The following REEP4 variants were observed in gnomAD, a reference collection of about 807,000 sequenced individuals.
REEP4 encodes receptor expression-enhancing protein 4.
A neutral mutation model predicts 33.5 loss-of-function variants in REEP4; 17 were observed. The ratio of observed to expected loss-of-function variants is 0.51; its 90% CI spans 0.35 to 0.76. REEP4 has a LOEUF of 0.76. Ranked by LOEUF, REEP4 falls within the 30% of genes least tolerant of loss-of-function variation. The probability of loss-of-function intolerance (pLI) is 0.01; values close to 1 mark genes in which losing one functional copy is unlikely to be tolerated. For synonymous variants in REEP4, 157 were observed against 142.9 expected, an observed-to-expected ratio of 1.10 and a Z score of -0.70; for missense variants, 340 against 357.9, an observed-to-expected ratio of 0.95 and a Z score of 0.40.
At position 22,138,431 on chromosome 8, in the gene REEP4, A is replaced by C. The variant is rs753062629; in HGVS notation, c.*56T>G. 1 of 1,597,092 alleles carries C rather than the reference A, an allele frequency of 6.3e-7. No individual in the cohort carries two copies. The highest frequency in any genetic ancestry group is 2.2e-5 in the East Asian group (1 of 44,820). On this transcript the variant is annotated 3_prime_UTR_variant, in exon 8 of 8. Transcript: ENST00000306306. ...AGATGTGCAGCCCAAGGTCCCTCCA[A>C]ATAGCCCTGGAGCCCTGCAGGGCAC...
chr8:22,138,558 GA>G lies in REEP4; in HGVS notation c.709-7del. On this transcript the variant is annotated splice_region_variant and splice_polypyrimidine_tract_variant and intron_variant, in intron 7 of 7. Transcript: ENST00000306306. ...TTCAGGGAGCGCGAGGTGCCCTGGG[GA>G]AAGGGGAGGCACAGCATGAGGGTGT... The G allele has an allele frequency of 6.2e-7, 1 of 1,613,910 alleles. No homozygotes were observed. Among genetic ancestry groups the G allele is most frequent in the Admixed American group, 1.7e-5 (1 of 60,026 alleles).
At position 22,138,237 on chromosome 8, in the gene REEP4, CGG is replaced by C. The variant is rs1027570121; in HGVS notation, c.*248_*249del. ...TCAGGGAGGGCTCTTGTCCCACAAC[CGG>C]GGAAGGGAGAGGGCAGAGCAAGGCA... is the stretch of plus-strand genomic sequence containing the variant. On this transcript the variant is annotated 3_prime_UTR_variant, in exon 8 of 8. Coordinates refer to ENST00000306306, the MANE Select transcript of REEP4 (RefSeq NM_025232.4). 1.1e-5 allele frequency: 7 copies of C among 647,620 alleles called. No individual in the cohort carries two copies. The African/African-American group carries it at 1.3e-4, about 12-fold the overall frequency. The allele number at this position is 647,620 out of a possible 1,614,324, so 40.1% of individuals were successfully genotyped here. A position where few individuals can be genotyped will look rare whatever the true frequency, so the allele number is the denominator to read the frequency against.
In REEP4 at chr8:22,140,707, C is replaced by A; in HGVS notation, c.33-10G>T. 6.2e-7 allele frequency: 1 copy of A among 1,610,468 alleles called. No homozygotes were observed. Among genetic ancestry groups the A allele is most frequent in the Non-Finnish European group, 8.5e-7 (1 of 1,177,932 alleles). On this transcript the variant is annotated splice_polypyrimidine_tract_variant and intron_variant, in intron 1 of 7. Transcript: ENST00000306306. ...CATCCCAAACACCAGCCTGGAAGAG[C>A]AGCCATGGGGAGTGTGAGGGGCACC...
In REEP4 at chr8:22,139,435, G is replaced by A; in HGVS notation, c.398C>T (p.Ala133Val). 6.2e-7 allele frequency: 1 copy of A among 1,607,420 alleles called. No individual in the cohort carries two copies. The highest frequency in any genetic ancestry group is 8.5e-7 in the Non-Finnish European group (1 of 1,179,556). ...GAGCACCTTGGTGGCAGCCTGCACA[G>A]CAGCGGAGGCGGCAATGTTGAGGCC... ...KRGLNIAASA[A>V]VQAATKSQGA... is the part of the protein sequence containing the mutation. Residue 133 changes from alanine to valine, a missense_variant, in exon 5 of 8, where the codon GCT becomes GTT. Coordinates refer to ENST00000306306, the MANE Select transcript of REEP4 (RefSeq NM_025232.4).
At chr8:22,139,393 G>A in intron 5 of REEP4, 23 bp downstream of exon 5, 2 of 1,574,836 alleles carry the variant, frequency 1.3e-6, no homozygotes, top group Non-Finnish European at 1.7e-6. Flanking sequence ...GGGGGCTGCT[G>A]GAGGGCTGGG....
chr8:22,140,342 G>T, intron 2 of REEP4, 94 bp from the exon 3 acceptor site: 2 of 1,278,378 alleles, frequency 1.6e-6, no homozygotes, highest in Non-Finnish European at 2.3e-6. Flanking sequence ...GAGCCTGTCC[G>T]GCTGCATAGC....
chr8:22,139,952 C>A lies in REEP4; in HGVS notation c.303+11G>T, dbSNP rs766424348. ...CCCCTAAGCCTCCCTTCCCGCTTCCCCCTGGGGTACCTTCTCATGGCGGGA... is the reference window on the plus strand; with the variant it reads ...CCCCTAAGCCTCCCTTCCCGCTTCCACCTGGGGTACCTTCTCATGGCGGGA... On this transcript the variant is annotated intron_variant, in intron 4 of 7. Coordinates refer to ENST00000306306, the MANE Select transcript of REEP4 (RefSeq NM_025232.4). The A allele has an allele frequency of 5.7e-6, 9 of 1,580,076 alleles. No individual in the cohort carries two copies. The highest frequency in any genetic ancestry group is 6.9e-6 in the Non-Finnish European group (8 of 1,161,990).
chr8:22,141,556 G>C lies in REEP4; in HGVS notation c.-74C>G, dbSNP rs1024687648. ...GGACGTTCACTCAAGGGCTGGGACG[G>C]GGGGTGATCAGGGCAGTTGCGGGAA... On this transcript the variant is annotated 5_prime_UTR_variant, in exon 1 of 8. Transcript: ENST00000306306. The C allele has an allele frequency of 2.2e-5, 33 of 1,510,104 alleles. No homozygotes were observed. The highest frequency in any genetic ancestry group is 2.9e-5 in the Non-Finnish European group (32 of 1,116,424). The allele number at this position is 1,510,104 out of a possible 1,614,324, so 93.5% of individuals were successfully genotyped here. A position where few individuals can be genotyped will look rare whatever the true frequency, so the allele number is the denominator to read the frequency against.
rs148869649 is a variant in REEP4, at chr8:22,138,777, G to A, written c.570C>T (p.Gly190=). Residue 190 remains glycine, a synonymous_variant, in exon 7 of 8, where the codon GGC becomes GGT. Transcript: ENST00000306306. ...RRPPIGYRAG[G]LQDSDTEDEC... ...CATCCTCGGTGTCGCTGTCCTGCAGGCCCCCGGCCCGGTACCCTGTGTGGA... is the reference window on the plus strand; with the variant it reads ...CATCCTCGGTGTCGCTGTCCTGCAGACCCCCGGCCCGGTACCCTGTGTGGA... The A allele has an allele frequency of 4.4e-6, 7 of 1,605,008 alleles. No individual in the cohort carries two copies. The African/African-American group carries it at 6.7e-5, about 15-fold the overall frequency.
At chr8:22,139,153 G>T in intron 5 of REEP4, 92 bp from the exon 6 acceptor site, 1 of 1,489,968 alleles carries the variant, frequency 6.7e-7, no homozygotes, top group Non-Finnish European at 9.1e-7. Context: ...AGTGAAAACT[G>T]CTCAGCAAGC....
At chr8:22,140,481 C>A in intron 2 of REEP4, 144 bp downstream of exon 2, 2 of 851,696 alleles carry the variant, frequency 2.3e-6, no homozygotes, top group South Asian at 1.5e-5. Context: ...TATCTACACC[C>A]TCTTGAACAG....
In REEP4 at chr8:22,141,862, A is replaced by G. The variant is rs550645846; in HGVS notation, c.-380T>C. 4.1e-6 allele frequency: 1 copy of G among 245,994 alleles called. No homozygotes were observed. The highest frequency in any genetic ancestry group is 1.1e-4 in the South Asian group (1 of 9,286). The allele number at this position is 245,994 out of a possible 1,614,324, so 15.2% of individuals were successfully genotyped here. On this transcript the variant is annotated 5_prime_UTR_variant, in exon 1 of 8. Coordinates refer to ENST00000306306, the MANE Select transcript of REEP4 (RefSeq NM_025232.4). ...CGCGCCGGGCCACCAGCACCGGCCT[A>G]CAGGGCGGAGTTCGCAACTCACTTG... is the stretch of plus-strand genomic sequence containing the variant.
Position 22,141,698 on chromosome 8 carries a change from G to A in REEP4, c.-216C>T. 1 of 429,418 alleles carries A rather than the reference G, an allele frequency of 2.3e-6. No individual in the cohort carries two copies. Among genetic ancestry groups the A allele is most frequent in the Non-Finnish European group, 4.1e-6 (1 of 246,564 alleles). The allele number at this position is 429,418 out of a possible 1,614,324, so 26.6% of individuals were successfully genotyped here. A position where few individuals can be genotyped will look rare whatever the true frequency, so the allele number is the denominator to read the frequency against. ...AGACCCGAGGCAAAGCGGCCCCGGC[G>A]GGGAGGAAGCCGACTTGGGAGCGGG... On this transcript the variant is annotated 5_prime_UTR_variant, in exon 1 of 8. Transcript: ENST00000306306.
At position 22,138,866 on chromosome 8, in the gene REEP4, T is replaced by C. The variant is rs146240485; in HGVS notation, c.553+60A>G. On this transcript the variant is annotated intron_variant, in intron 6 of 7. Coordinates refer to ENST00000306306, the MANE Select transcript of REEP4 (RefSeq NM_025232.4). ...CTTCCTCGAGCCTTGGGGGAAGCCATGGTGTGAGTGAAGGAAGCCATCCCT... is the reference window on the plus strand; with the variant it reads ...CTTCCTCGAGCCTTGGGGGAAGCCACGGTGTGAGTGAAGGAAGCCATCCCT... The C allele has an allele frequency of 9.6e-4, 1,489 of 1,550,646 alleles. 13 individuals are homozygous for C. The African/African-American group carries it at 0.019, about 19-fold the overall frequency.
At position 22,140,611 on chromosome 8, in the gene REEP4, A is replaced by C. The variant is rs780025046; in HGVS notation, c.105+14T>G. 1.2e-6 allele frequency: 2 copies of C among 1,610,590 alleles called. No homozygotes were observed. The highest frequency in any genetic ancestry group is 2.2e-5 in the South Asian group (2 of 90,654). On this transcript the variant is annotated intron_variant, in intron 2 of 7. Transcript: ENST00000306306. ...ACCAAGTCCTATTAAACACACCCAA[A>C]CCCCCACGCTCACATATTCACGAAT...
rs771587719 is a variant in REEP4, at chr8:22,138,777, G to GC, written c.569dup (p.Leu191ProfsTer9). The GC allele has an allele frequency of 5.0e-6, 8 of 1,605,006 alleles. No individual in the cohort carries two copies. The highest frequency in any genetic ancestry group is 6.8e-6 in the Non-Finnish European group (8 of 1,177,114). On this transcript the variant is annotated frameshift_variant, in exon 7 of 8. Coordinates refer to ENST00000306306, the MANE Select transcript of REEP4 (RefSeq NM_025232.4). LOFTEE classifies it high-confidence loss of function. ...CATCCTCGGTGTCGCTGTCCTGCAG[G>GC]CCCCCGGCCCGGTACCCTGTGTGGA...
chr8:22,141,168 C>T (rs1047310833), intron 1 of REEP4, among the ~76,000 whole-genome samples: 16 of 152,256 alleles, frequency 1.1e-4, no homozygotes, highest in Non-Finnish European at 4.4e-5. Flanking sequence ...CTTGTGTTTG[C>T]CAAGGGGCAG....
At position 22,138,803 on chromosome 8, in the gene REEP4, G is replaced by A; in HGVS notation, c.554-10C>T. ...CCCCCGGCCCGGTACCCTGTGTGGAGGAGGAGGTGAAGCTGAAAGCCTGCG... is the reference window on the plus strand; with the variant it reads ...CCCCCGGCCCGGTACCCTGTGTGGAAGAGGAGGTGAAGCTGAAAGCCTGCG... On this transcript the variant is annotated splice_polypyrimidine_tract_variant and intron_variant, in intron 6 of 7. Coordinates refer to ENST00000306306, the MANE Select transcript of REEP4 (RefSeq NM_025232.4). The A allele has an allele frequency of 1.3e-6, 2 of 1,586,000 alleles. No homozygotes were observed. The highest frequency in any genetic ancestry group is 1.7e-6 in the Non-Finnish European group (2 of 1,168,982).
At chr8:22,140,129 G>A in intron 3 of REEP4, 43 bp downstream of exon 3, 1 of 1,614,126 alleles carries the variant, frequency 6.2e-7, no homozygotes, top group Non-Finnish European at 8.5e-7. Flanking sequence ...CAGGGCTGGG[G>A]GGGCCACCCC....
Sources: allele counts gnomAD v4.1 joint callset (sites outside exome capture counted in the v4.1 genomes callset), GRCh38; gene constraint gnomAD v4.1.1; transcripts MANE v1.5; gene names NCBI Gene and HGNC (gene_info 2026-07-23, HGNC 2026-07-21).